The following SPATS2 variants were observed in gnomAD, a reference collection of about 807,000 sequenced individuals.
The protein encoded by SPATS2 is spermatogenesis-associated serine-rich protein 2.
Under a neutral mutation model 63.7 loss-of-function variants are expected in SPATS2, and 38 were observed. That is an observed-to-expected ratio of 0.60 (90% CI 0.46 to 0.78). The LOEUF (loss-of-function observed/expected upper bound fraction) is 0.78, where lower values mean the gene tolerates loss of function less well. Among genes scored for constraint, SPATS2 ranks in the 30% least tolerant of loss-of-function variants. The probability of loss-of-function intolerance (pLI) is 0.00; values close to 1 mark genes in which losing one functional copy is unlikely to be tolerated. For missense variants in SPATS2, 588 were observed against 666.2 expected (o/e 0.88, Z 1.29); for synonymous variants, 207 against 232.9 (o/e 0.89, Z 1.01).
At chr12:49,474,442 A>G (rs957198804) in intron 3 of SPATS2, among the ~76,000 whole-genome samples, 3 of 152,246 alleles carry the variant, frequency 2.0e-5, no homozygotes, top group Non-Finnish European at 2.9e-5. Context: ...GCATGCAATT[A>G]GGATTGACCT....
chr12:49,491,427 G>A (rs1946380668), intron 6 of SPATS2, among the ~76,000 whole-genome samples: 1 of 152,102 alleles, frequency 6.6e-6, no homozygotes, highest in East Asian at 1.9e-4. Context: ...AAAGCTGTTA[G>A]GTGCTGGCCA....
intron 2 of SPATS2, chr12:49,389,979 T>G: frequency 1.2e-6 from 1 of 832,110 alleles, no homozygotes; most frequent in East Asian, 2.4e-5. Flanking sequence ...CCATTGAAAT[T>G]GACAAGCAAC....
intron 3 of SPATS2, among the ~76,000 whole-genome samples, chr12:49,472,258 AT>A (rs200430137): frequency 4.0e-5 from 6 of 150,986 alleles, no homozygotes; most frequent in South Asian, 2.1e-4. Flanking sequence ...ACATATGGCT[AT>A]TTTTTTTTGT....
At chr12:49,400,088 C>T (rs1944579657) in intron 2 of SPATS2, among the ~76,000 whole-genome samples, 1 of 152,158 alleles carries the variant, frequency 6.6e-6, no homozygotes, top group Non-Finnish European at 1.5e-5. Context: ...AGAGTTACAG[C>T]TGTGAACAAA....
chr12:49,448,380 C>T (rs946977186), intron 2 of SPATS2, among the ~76,000 whole-genome samples: 1 of 152,032 alleles, frequency 6.6e-6, no homozygotes, highest in Non-Finnish European at 1.5e-5. Flanking sequence ...ACCTCATGAT[C>T]TGCCCGCCTT....
At chr12:49,407,047 G>T (rs1235512104) in intron 2 of SPATS2, among the ~76,000 whole-genome samples, 1 of 152,168 alleles carries the variant, frequency 6.6e-6, no homozygotes, top group Non-Finnish European at 1.5e-5. Flanking sequence ...TCAGTAAATA[G>T]ACTATCCTTC....
At chr12:49,485,128 C>T (rs948685008) in intron 4 of SPATS2, among the ~76,000 whole-genome samples, 4 of 149,762 alleles carry the variant, frequency 2.7e-5, no homozygotes, top group Admixed American at 2.7e-4. Context: ...GTGCAGTGGC[C>T]GATCTGGGCT....
intron 2 of SPATS2, among the ~76,000 whole-genome samples, chr12:49,437,843 GGGGAGAGGGAGA>G (rs993777230): frequency 2.6e-5 from 4 of 152,076 alleles, no homozygotes; most frequent in South Asian, 2.1e-4. Flanking sequence ...GGGAGACCGT[GGGGAGAGGGAGA>G]GGGAGAGGGA....
At chr12:49,454,573 A>G (rs772306876) in intron 2 of SPATS2, among the ~76,000 whole-genome samples, 21 of 152,176 alleles carry the variant, frequency 1.4e-4, no homozygotes, top group Non-Finnish European at 3.1e-4. Flanking sequence ...AGAGACACAT[A>G]TCACCAAGTT....
intron 2 of SPATS2, among the ~76,000 whole-genome samples, chr12:49,385,874 GTT>G (rs753323898): frequency 2.1e-5 from 3 of 139,864 alleles, no homozygotes; most frequent in Admixed American, 7.2e-5. Flanking sequence ...TTTGTTTTTT[GTT>G]TTTTTTTTTT....
chr12:49,506,843 A>G (rs1413785337), intron 9 of SPATS2, among the ~76,000 whole-genome samples: 4 of 152,108 alleles, frequency 2.6e-5, no homozygotes, highest in African/African-American at 9.7e-5. Flanking sequence ...CTTTAAAAAA[A>G]AAAAAAAAAA....
intron 2 of SPATS2, among the ~76,000 whole-genome samples, chr12:49,390,625 T>A (rs186204328): frequency 6.6e-6 from 1 of 152,354 alleles, no homozygotes; most frequent in East Asian, 1.9e-4. Context: ...ACTTCAGCTT[T>A]AGTGATTACC....
At chr12:49,423,407 C>T (rs1293260259) in intron 2 of SPATS2, among the ~76,000 whole-genome samples, 2 of 152,168 alleles carry the variant, frequency 1.3e-5, no homozygotes, top group South Asian at 2.1e-4. Flanking sequence ...GCTAGGATTA[C>T]GGGCGTGAGC....
chr12:49,492,582 A>G (rs1411205305), intron 6 of SPATS2, among the ~76,000 whole-genome samples: 2 of 152,170 alleles, frequency 1.3e-5, no homozygotes, highest in African/African-American at 4.8e-5. Context: ...TAAGATGTGC[A>G]TGGACCTGGA....
At chr12:49,408,048 T>C (rs1379964142) in intron 2 of SPATS2, among the ~76,000 whole-genome samples, 1 of 152,140 alleles carries the variant, frequency 6.6e-6, no homozygotes, top group Non-Finnish European at 1.5e-5. Flanking sequence ...AAATGGTAGG[T>C]TACAGACTGT....
chr12:49,421,994 G>A (rs1237514833), intron 2 of SPATS2, among the ~76,000 whole-genome samples: 1 of 152,098 alleles, frequency 6.6e-6, no homozygotes, highest in African/African-American at 2.4e-5. Flanking sequence ...TTGCAATTCA[G>A]GCAACTTCCT....
chr12:49,422,060 T>C (rs983703612), intron 2 of SPATS2, among the ~76,000 whole-genome samples: 5 of 152,180 alleles, frequency 3.3e-5, no homozygotes, highest in African/African-American at 1.2e-4. Flanking sequence ...GGGCACAGAG[T>C]TGGCATTATC....
At chr12:49,376,287 G>C (rs1472253787) in intron 2 of SPATS2, among the ~76,000 whole-genome samples, 2 of 151,554 alleles carry the variant, frequency 1.3e-5, no homozygotes, top group African/African-American at 4.9e-5. Context: ...ATTTTTAGTA[G>C]AGACGGGGTT....
At chr12:49,483,153 A>AT (rs542828068) in intron 3 of SPATS2, among the ~76,000 whole-genome samples, 4,984 of 146,126 alleles carry the variant, frequency 0.034, 129 homozygotes, top group Non-Finnish European at 0.054. Context: ...AAAAAAAAAA[A>AT]CAGAGCTAGA....
Sources: allele counts gnomAD v4.1 joint callset (sites outside exome capture counted in the v4.1 genomes callset), GRCh38; gene constraint gnomAD v4.1.1; transcripts MANE v1.5; gene names NCBI Gene and HGNC (gene_info 2026-07-23, HGNC 2026-07-21).